ADGRL2: variants seen among roughly 807,000 people sequenced by gnomAD.
ADGRL2 encodes the protein calcium-independent alpha-latrotoxin receptor 2.
ADGRL2 carries 44 observed loss-of-function variants against 157.4 expected under a neutral mutation model. The observed-to-expected ratio is 0.28, with a 90% confidence interval of 0.22 to 0.36. ADGRL2 has a LOEUF of 0.36. Ranked by LOEUF, ADGRL2 falls within the 10% of genes least tolerant of loss-of-function variation. The pLI, the probability that ADGRL2 is intolerant of heterozygous loss-of-function variation, is 1.00. For synonymous variants in ADGRL2, 585 were observed against 624.7 expected, an observed-to-expected ratio of 0.94 and a Z score of 0.95; for missense variants, 1,510 against 1,768.9, an observed-to-expected ratio of 0.85 and a Z score of 2.63.
At chr1:81,373,832 C>T (rs770794462) in intron 1 of ADGRL2, among the ~76,000 whole-genome samples, 13 of 151,956 alleles carry the variant, frequency 8.6e-5, no homozygotes, top group Non-Finnish European at 1.5e-4. Context: ...GATTCAAAAC[C>T]GGGAAAAAAG....
intron 1 of ADGRL2, among the ~76,000 whole-genome samples, chr1:81,748,200 C>T (rs957719945): frequency 6.6e-6 from 1 of 151,728 alleles, no homozygotes; most frequent in Non-Finnish European, 1.5e-5. Flanking sequence ...TAGAAGAGAC[C>T]GGGTGCGGTG....
chr1:81,422,802 C>A (rs1467295334), intron 1 of ADGRL2, among the ~76,000 whole-genome samples: 1 of 152,236 alleles, frequency 6.6e-6, no homozygotes, highest in South Asian at 2.1e-4. Context: ...TCAAATAATA[C>A]ATACAAAGTA....
chr1:81,413,714 G>T (rs1158649190), intron 1 of ADGRL2, among the ~76,000 whole-genome samples: 2 of 152,178 alleles, frequency 1.3e-5, no homozygotes, highest in African/African-American at 2.4e-5. Flanking sequence ...TCAAGAAAAA[G>T]AGTTTATTAG....
intron 3 of ADGRL2, among the ~76,000 whole-genome samples, chr1:81,667,993 T>C (rs1167736032): frequency 6.6e-6 from 1 of 152,206 alleles, no homozygotes; most frequent in Non-Finnish European, 1.5e-5. Flanking sequence ...TTTTAAACTT[T>C]TTGAAATCAT....
At chr1:81,359,570 G>C (rs2075939198) in intron 1 of ADGRL2, among the ~76,000 whole-genome samples, 2 of 151,994 alleles carry the variant, frequency 1.3e-5, no homozygotes, top group African/African-American at 4.8e-5. Flanking sequence ...ACATGAGTAA[G>C]TCATACATAA....
intron 1 of ADGRL2, among the ~76,000 whole-genome samples, chr1:81,809,298 G>T (rs1489725583): frequency 6.6e-6 from 1 of 151,946 alleles, no homozygotes; most frequent in Non-Finnish European, 1.5e-5. Flanking sequence ...AATAAAAACA[G>T]AAATATATTG....
chr1:81,429,450 A>G (rs747868500), intron 1 of ADGRL2, among the ~76,000 whole-genome samples: 1 of 152,192 alleles, frequency 6.6e-6, no homozygotes, highest in Non-Finnish European at 1.5e-5. Flanking sequence ...CAGCCTGCCT[A>G]TGTTTTAAGA....
At chr1:81,445,543 G>T (rs749141546) in intron 2 of ADGRL2, among the ~76,000 whole-genome samples, 2 of 152,178 alleles carry the variant, frequency 1.3e-5, no homozygotes, top group Non-Finnish European at 2.9e-5. Flanking sequence ...AGATGAGGAA[G>T]TGTGGGCTGA....
chr1:81,964,913 G>A (rs183841466), intron 11 of ADGRL2, among the ~76,000 whole-genome samples: 1 of 152,086 alleles, frequency 6.6e-6, no homozygotes, highest in African/African-American at 2.4e-5. Flanking sequence ...ATATAAGATA[G>A]TTAACTCCTG....
chr1:81,935,280 C>A (rs1368534379), intron 3 of ADGRL2, among the ~76,000 whole-genome samples: 2 of 151,862 alleles, frequency 1.3e-5, no homozygotes, highest in African/African-American at 4.8e-5. Flanking sequence ...TATTTACGTT[C>A]TTGAAAATTA....
chr1:81,429,267 G>A, intron 1 of ADGRL2, among the ~76,000 whole-genome samples: 1 of 151,918 alleles, frequency 6.6e-6, no homozygotes, highest in East Asian at 1.9e-4. Context: ...TTACCTAGAG[G>A]CTACTGTTAC....
chr1:81,473,170 T>A (rs1173265803), intron 2 of ADGRL2, among the ~76,000 whole-genome samples: 2 of 152,046 alleles, frequency 1.3e-5, no homozygotes, highest in Non-Finnish European at 2.9e-5. Context: ...GGGGATGGTG[T>A]GATCGGCAAG....
intron 1 of ADGRL2, among the ~76,000 whole-genome samples, chr1:81,319,405 C>G (rs1418665718): frequency 6.6e-6 from 1 of 152,072 alleles, no homozygotes; most frequent in Non-Finnish European, 1.5e-5. Flanking sequence ...TAAATACAAA[C>G]CGAGATTTTT....
rs940123989 is a variant in ADGRL2 at position 81,870,603 on chromosome 1, C to T, written c.73+33546C>T. On this transcript the variant is annotated intron_variant, in intron 2 of 23. Transcript: ENST00000686636. Reference sequence around the variant, plus strand: ...GTTATTTTCAAAATACAGGAATATACACTACATTCTAAGTTGTCAGAGCTT... The same window carrying T: ...GTTATTTTCAAAATACAGGAATATATACTACATTCTAAGTTGTCAGAGCTT... 3.3e-5 allele frequency among the ~76,000 whole-genome samples: 5 copies of T among 152,060 alleles called. No homozygotes were observed. In the South Asian group the frequency reaches 8.3e-4, roughly 25 times the overall value.
intron 2 of ADGRL2, chr1:81,503,588 A>G (rs2078902944): frequency 5.0e-6 from 6 of 1,197,522 alleles, no homozygotes; most frequent in African/African-American, 1.5e-5. Flanking sequence ...CCAGACATTG[A>G]GAGTTTGGAC....
At chr1:81,713,990 A>C (rs2084024205) in intron 1 of ADGRL2, among the ~76,000 whole-genome samples, 1 of 152,218 alleles carries the variant, frequency 6.6e-6, no homozygotes. Context: ...AAGGAGGAGA[A>C]AAAGCGTTTC....
rs540295531 is a variant in ADGRL2, at chr1:81,647,949, T to C, written c.-143+66969T>C. Among the ~76,000 whole-genome samples, 292 of 152,290 alleles carry C rather than the reference T, an allele frequency of 1.9e-3. 1 individual carries two copies. The highest frequency in any genetic ancestry group is 3.3e-3 in the Non-Finnish European group (223 of 68,028). On this transcript the variant is annotated intron_variant, in intron 3 of 24. Transcript: ENST00000370721. ...TTTGGGGTAAAATTGCAGCCACTGA[T>C]CTATAATTCAGCTCTGACTTAACTT...
intron 1 of ADGRL2, among the ~76,000 whole-genome samples, chr1:81,725,515 G>T: frequency 6.6e-6 from 1 of 151,862 alleles, no homozygotes; most frequent in Middle Eastern, 3.4e-3. Context: ...CTCCAGCCTG[G>T]GTGACACTGT....
intron 2 of ADGRL2, among the ~76,000 whole-genome samples, chr1:81,534,910 C>T (rs1178814350): frequency 6.6e-6 from 1 of 152,158 alleles, no homozygotes; most frequent in Non-Finnish European, 1.5e-5. Flanking sequence ...TTTGTGAATT[C>T]AAATACTAGG....
Sources: allele counts gnomAD v4.1 joint callset (sites outside exome capture counted in the v4.1 genomes callset), GRCh38; gene constraint gnomAD v4.1.1; transcripts MANE v1.5; gene names NCBI Gene and HGNC (gene_info 2026-07-23, HGNC 2026-07-21).